ESD: variants seen among roughly 807,000 people sequenced by gnomAD.
ESD encodes esterase D, also known as S-formylglutathione hydrolase.
Under a neutral mutation model 38.1 loss-of-function variants are expected in ESD, and 34 were observed. The observed-to-expected ratio is 0.89, with a 90% CI of 0.68 to 1.19. The LOEUF (loss-of-function observed/expected upper bound fraction) is 1.19. ESD is among the 50% of genes most tolerant of loss of function. The pLI, the probability that ESD is intolerant of heterozygous loss-of-function variation, is 0.00. For synonymous variants in ESD, 97 were observed against 107.0 expected (o/e 0.91, Z 0.58); for missense variants, 334 against 327.2 (o/e 1.02, Z -0.16).
At chr13:46,773,436 C>T (rs1394306060) in intron 9 of ESD, among the ~76,000 whole-genome samples, 3 of 152,030 alleles carry the variant, frequency 2.0e-5, no homozygotes, top group Non-Finnish European at 4.4e-5. Flanking sequence ...TTGAATAAAC[C>T]GAAAGAAATG....
intron 1 of ESD, among the ~76,000 whole-genome samples, chr13:46,796,593 T>C (rs534740752): frequency 2.4e-4 from 37 of 151,372 alleles, no homozygotes; most frequent in African/African-American, 9.1e-4. Flanking sequence ...CAAAGACACG[T>C]GCTCCCCTCG....
At chr13:46,776,664 T>G (rs1263351074) in intron 9 of ESD, 1 of 152,102 alleles carries the variant, frequency 6.6e-6, no homozygotes, top group Non-Finnish European at 1.5e-5. Context: ...ATGTACCACA[T>G]TACACACTGA....
intron 4 of ESD, among the ~76,000 whole-genome samples, chr13:46,786,583 T>A (rs534061663): frequency 2.0e-5 from 3 of 152,000 alleles, no homozygotes; most frequent in African/African-American, 7.2e-5. Flanking sequence ...AGAAGCTCTA[T>A]GGAGTCCAGT....
At position 46,779,770 on chromosome 13, in the gene ESD, T is replaced by C. The variant is rs555532247; in HGVS notation, c.600+165A>G. Reference sequence around the variant, plus strand: ...ATATAAAATAATATATATAATAATATATATCTCATATATTGATATATATAT... The same window carrying C: ...ATATAAAATAATATATATAATAATACATATCTCATATATTGATATATATAT... On this transcript the variant is annotated intron_variant, in intron 8 of 9. Coordinates refer to ENST00000378720, the MANE Select transcript of ESD (RefSeq NM_001984.2). Among the ~76,000 whole-genome samples, 201 of 146,512 alleles carry C rather than the reference T, an allele frequency of 1.4e-3. 1 individual carries two copies. The highest frequency in any genetic ancestry group is 4.7e-3 in the African/African-American group (191 of 40,570).
chr13:46,791,239 A>T, intron 3 of ESD, 107 bp downstream of exon 3: 1 of 770,832 alleles, frequency 1.3e-6, no homozygotes, highest in Non-Finnish European at 2.1e-6. Flanking sequence ...AAGCAAGTTT[A>T]AAAGTAAAAT....
intron 1 of ESD, among the ~76,000 whole-genome samples, chr13:46,796,773 G>T (rs567393683): frequency 5.3e-5 from 8 of 152,370 alleles, no homozygotes; most frequent in African/African-American, 1.7e-4. Context: ...ACATTTTCGC[G>T]CGGTGGCTGC....
In ESD at chr13:46,791,363, T is replaced by C. The variant is rs748470064; in HGVS notation, c.51A>G (p.Lys17=). 4.3e-6 allele frequency: 7 copies of C among 1,612,766 alleles called. No homozygotes were observed. The South Asian group carries it at 7.7e-5, about 18-fold the overall frequency. The part of the protein sequence containing the change: ...SSNKCFGGLQ[K]VFEHDSVELN... ...ATAGTTACCTGTCATGTTCAAAAAC[T>C]TTCTGCAATCCCCCAAAGCACTTGT... Residue 17 remains lysine, a synonymous_variant, in exon 3 of 10, where the codon AAA becomes AAG. Transcript: ENST00000378720.
chr13:46,786,888 T>G, intron 4 of ESD, 133 bp downstream of exon 4: 1 of 427,228 alleles, frequency 2.3e-6, no homozygotes, highest in Non-Finnish European at 4.1e-6. Flanking sequence ...AGTAACAGAG[T>G]AGACTATGAC....
At chr13:46,789,944 T>C (rs899808967) in intron 3 of ESD, among the ~76,000 whole-genome samples, 1 of 151,618 alleles carries the variant, frequency 6.6e-6, no homozygotes, top group Non-Finnish European at 1.5e-5. Flanking sequence ...GCCTCCTAAG[T>C]AGCTGGGACT....
chr13:46,777,579 C>G lies in ESD; in HGVS notation c.645G>C (p.Gln215His), dbSNP rs1165227695. 6.2e-7 allele frequency: 1 copy of G among 1,609,950 alleles called. No individual in the cohort carries two copies. The highest frequency in any genetic ancestry group is 2.2e-5 in the East Asian group (1 of 44,766). Residue 215 changes from glutamine to histidine, a missense_variant, in exon 9 of 10, where the codon CAG becomes CAC. Coordinates refer to ENST00000378720, the MANE Select transcript of ESD (RefSeq NM_001984.2). ...TCCCTTGATCAATTAGTATGTCCAG[C>G]TGAGATCCTGGATAGGATTTCACAA... is the stretch of plus-strand genomic sequence containing the variant. ...THLVKSYPGS[Q>H]LDILIDQGKD...
At chr13:46,784,205 T>C in intron 5 of ESD, 47 bp downstream of exon 5, 3 of 1,468,344 alleles carry the variant, frequency 2.0e-6, no homozygotes, top group Non-Finnish European at 2.8e-6. Context: ...ATACCAGTCT[T>C]AAAGATTTAG....
intron 3 of ESD, among the ~76,000 whole-genome samples, chr13:46,789,203 T>C (rs1263321609): frequency 6.6e-6 from 1 of 152,216 alleles, no homozygotes; most frequent in Non-Finnish European, 1.5e-5. Flanking sequence ...ATCTTATGCC[T>C]TCAGCTATCT....
At chr13:46,771,535 T>C in intron 9 of ESD, 39 bp from the exon 10 acceptor site, 1 of 1,229,180 alleles carries the variant, frequency 8.1e-7, no homozygotes, top group Non-Finnish European at 1.2e-6. Flanking sequence ...TATCTACCAT[T>C]CAGGAACATC....
At chr13:46,796,523 T>C (rs1258278273) in intron 1 of ESD, among the ~76,000 whole-genome samples, 1 of 152,208 alleles carries the variant, frequency 6.6e-6, no homozygotes, top group Non-Finnish European at 1.5e-5. Flanking sequence ...CAGAAATGAC[T>C]TCCAGTCCCC....
At chr13:46,789,324 C>G (rs963477816) in intron 3 of ESD, among the ~76,000 whole-genome samples, 1 of 152,200 alleles carries the variant, frequency 6.6e-6, no homozygotes, top group Admixed American at 6.5e-5. Context: ...TCTACTCTCA[C>G]TTAATTGACA....
intron 2 of ESD, among the ~76,000 whole-genome samples, chr13:46,792,502 G>C (rs1053281598): frequency 9.2e-5 from 14 of 151,906 alleles, no homozygotes; most frequent in African/African-American, 2.4e-5. Flanking sequence ...AACCCAAATA[G>C]TTTTATTTTG....
Position 46,784,335 on chromosome 13 carries a change from T to C in ESD, c.173A>G (p.Glu58Gly), listed in dbSNP as rs1381560270. 6.2e-7 allele frequency: 1 copy of C among 1,610,198 alleles called. No individual in the cohort carries two copies. The highest frequency in any genetic ancestry group is 2.2e-5 in the East Asian group (1 of 44,830). The change falls in exon 5 of 10, where the codon GAG becomes GGG. Residue 58 changes from glutamate (E) to glycine (G), a missense_variant. Glu to Gly is a moderately conservative substitution (Grantham distance 98). Transcript: ENST00000378720. Reference sequence around the variant, plus strand: ...ACCAGATTTTGATATAAAATTTTGCTCTGTGCAAGTTAAACCTGAAGATAA... The same window carrying C: ...ACCAGATTTTGATATAAAATTTTGCCCTGTGCAAGTTAAACCTGAAGATAA... ...LYWLSGLTCT[E>G]QNFISKSGYH...
chr13:46,793,299 A>T (rs553239355), intron 2 of ESD, 98 bp downstream of exon 2: 16 of 152,626 alleles, frequency 1.0e-4, no homozygotes, highest in Admixed American at 3.3e-4. Context: ...TTTTCAATAG[A>T]ATTTTTCTAT....
At chr13:46,790,553 G>A (rs1875360899) in intron 3 of ESD, 1 of 152,108 alleles carries the variant, frequency 6.6e-6, no homozygotes, top group East Asian at 1.9e-4. Flanking sequence ...AATTGTGTCT[G>A]GTATTCCCCA....
Sources: allele counts gnomAD v4.1 joint callset (sites outside exome capture counted in the v4.1 genomes callset), GRCh38; gene constraint gnomAD v4.1.1; transcripts MANE v1.5; gene names NCBI Gene and HGNC (gene_info 2026-07-23, HGNC 2026-07-21).